Variants in NAV3 observed in about 807,000 individuals in gnomAD.
The protein encoded by NAV3 is neuron navigator 3.
Under a neutral mutation model 244.7 loss-of-function variants are expected in NAV3, and 87 were observed. The observed-to-expected ratio is 0.36, with a 90% CI of 0.30 to 0.42. NAV3 has a LOEUF of 0.42. Ranked by LOEUF, NAV3 falls within the 20% of genes least tolerant of loss-of-function variation. NAV3 has a pLI of 1.00. For missense variants in NAV3, 2,663 were observed against 2,893.3 expected (o/e 0.92, Z 1.83); for synonymous variants, 1,126 against 1,042.2 (o/e 1.08, Z -1.55).
chr12:77,988,663 A>G (rs781538255), intron 5 of NAV3, among the ~76,000 whole-genome samples: 1 of 152,176 alleles, frequency 6.6e-6, no homozygotes, highest in Admixed American at 6.6e-5. Context: ...CATAAACAGT[A>G]GGAGCCTGAT....
At chr12:77,867,308 G>A (rs999448992) in intron 1 of NAV3, among the ~76,000 whole-genome samples, 4 of 152,000 alleles carry the variant, frequency 2.6e-5, no homozygotes, top group East Asian at 1.9e-4. Flanking sequence ...CGTGCCTTTC[G>A]CCTTCTGCCA....
chr12:78,181,634 G>C (rs1488153629), intron 30 of NAV3, among the ~76,000 whole-genome samples: 1 of 152,054 alleles, frequency 6.6e-6, no homozygotes, highest in African/African-American at 2.4e-5. Context: ...AGCATAAAGT[G>C]TAGCTGTTTC....
At chr12:78,105,311 TA>T (rs1307535592) in intron 12 of NAV3, among the ~76,000 whole-genome samples, 2 of 152,118 alleles carry the variant, frequency 1.3e-5, no homozygotes, top group African/African-American at 2.4e-5. Context: ...TGTGAAAATT[TA>T]GGTGAGCTAT....
intron 2 of NAV3, among the ~76,000 whole-genome samples, chr12:77,701,415 T>C (rs1444222080): frequency 6.6e-6 from 1 of 151,886 alleles, no homozygotes; most frequent in African/African-American, 2.4e-5. Flanking sequence ...ACTTGTGATA[T>C]GTATTTTCTC....
chr12:77,609,603 T>G (rs960596253), intron 2 of NAV3, among the ~76,000 whole-genome samples: 3 of 152,056 alleles, frequency 2.0e-5, no homozygotes, highest in African/African-American at 7.2e-5. Context: ...GCTGATTTAA[T>G]AAGTTAGAGA....
intron 2 of NAV3, among the ~76,000 whole-genome samples, chr12:77,595,622 T>G (rs771137514): frequency 5.6e-4 from 85 of 152,242 alleles, no homozygotes; most frequent in South Asian, 1.5e-3. Context: ...TATATGAATA[T>G]CAAAACATCA....
At position 77,592,404 on chromosome 12, in the gene NAV3, TG is replaced by T. The variant is rs140519811; in HGVS notation, c.72+20140del. 6.4e-4 allele frequency among the ~76,000 whole-genome samples: 98 copies of T among 152,302 alleles called. No individual in the cohort carries two copies. The East Asian group carries it at 0.011, about 17-fold the overall frequency. ...TGGAACAAAGTTCAGAATAGGAGAA[TG>T]GTCATTCTTTGGTTTCACCTAAGCC... On this transcript the variant is annotated intron_variant, in intron 2 of 8. Coordinates refer to the NAV3 transcript ENST00000550042.
intron 4 of NAV3, among the ~76,000 whole-genome samples, chr12:77,967,217 C>T (rs1261724): frequency 0.8 from 121,625 of 151,972 alleles, 48,821 homozygotes; most frequent in East Asian, 0.98. Flanking sequence ...TAATATCAGC[C>T]TATTGATTTT....
At chr12:77,979,237 A>G (rs1869085352) in intron 5 of NAV3, among the ~76,000 whole-genome samples, 2 of 151,176 alleles carry the variant, frequency 1.3e-5, no homozygotes. Flanking sequence ...AAAAAAAAAA[A>G]AAAAGTTAGC....
At chr12:77,965,827 C>T (rs1892463387) in intron 3 of NAV3, among the ~76,000 whole-genome samples, 1 of 152,244 alleles carries the variant, frequency 6.6e-6, no homozygotes, top group Non-Finnish European at 1.5e-5. Context: ...TATCTTTTGA[C>T]GTACTTGACA....
chr12:77,668,122 A>G (rs577926247), intron 2 of NAV3, among the ~76,000 whole-genome samples: 8 of 152,326 alleles, frequency 5.3e-5, no homozygotes, highest in African/African-American at 1.7e-4. Context: ...ATCCCATGGG[A>G]CAAAAGAATC....
At chr12:78,070,737 A>G (rs1452495013) in intron 12 of NAV3, among the ~76,000 whole-genome samples, 1 of 129,672 alleles carries the variant, frequency 7.7e-6, no homozygotes, top group African/African-American at 2.9e-5. Flanking sequence ...AGAGTGTGAT[A>G]TTCCCCTTCC....
In NAV3 at chr12:77,968,520, A is replaced by G. The variant is rs1435347557; in HGVS notation, c.489A>G (p.Glu163=). Residue 163 remains glutamate (E), a splice_region_variant and synonymous_variant, in exon 5 of 40, where the codon GAA becomes GAG. Coordinates refer to ENST00000397909, the MANE Select transcript of NAV3 (RefSeq NM_001024383.2). Reference sequence around the variant, plus strand: ...TTTTGTATTTTTCATTTCATACAGAAATAAGAAATGGAAACTTAAAAGCCA... The same window carrying G: ...TTTTGTATTTTTCATTTCATACAGAGATAAGAAATGGAAACTTAAAAGCCA... ...GVNVQGLSAE[E]IRNGNLKAIL... 1 of 1,609,734 alleles carries G rather than the reference A, an allele frequency of 6.2e-7. No individual in the cohort carries two copies.
chr12:77,817,972 T>TG (rs1872584759), intron 2 of NAV3, among the ~76,000 whole-genome samples: 1 of 152,130 alleles, frequency 6.6e-6, no homozygotes, highest in Non-Finnish European at 1.5e-5. Flanking sequence ...CTTTGTGCTA[T>TG]TGAGATAGTA....
At chr12:78,104,313 C>T (rs911849343) in intron 12 of NAV3, among the ~76,000 whole-genome samples, 5 of 152,064 alleles carry the variant, frequency 3.3e-5, no homozygotes, top group African/African-American at 4.8e-5. Flanking sequence ...AAAAAAGAGG[C>T]GTGTGCTGAA....
intron 2 of NAV3, among the ~76,000 whole-genome samples, chr12:77,639,602 A>T (rs1026348309): frequency 4.6e-5 from 7 of 152,296 alleles, no homozygotes; most frequent in Admixed American, 3.9e-4. Flanking sequence ...TAATTAAGGT[A>T]CACACATTTA....
chr12:77,820,906 T>G (rs552426777), intron 2 of NAV3, among the ~76,000 whole-genome samples: 40 of 152,292 alleles, frequency 2.6e-4, no homozygotes, highest in African/African-American at 9.6e-4. Context: ...CACAAAATAA[T>G]AGAAGAGTCA....
chr12:77,941,030 T>C (rs781536842), intron 2 of NAV3, 51 bp from the exon 3 acceptor site: 9 of 1,188,570 alleles, frequency 7.6e-6, no homozygotes, highest in Non-Finnish European at 1.1e-5. Flanking sequence ...ACTTCATTGC[T>C]TAAGCATGTC....
At chr12:78,030,976 C>T (rs76278925) in intron 9 of NAV3, among the ~76,000 whole-genome samples, 154 of 152,250 alleles carry the variant, frequency 1.0e-3, no homozygotes, top group African/African-American at 3.5e-3. Flanking sequence ...TTTTCTGCAA[C>T]CCCAAGCTTC....
Sources: allele counts gnomAD v4.1 joint callset (sites outside exome capture counted in the v4.1 genomes callset), GRCh38; gene constraint gnomAD v4.1.1; transcripts MANE v1.5; gene names NCBI Gene and HGNC (gene_info 2026-07-23, HGNC 2026-07-21).